AK8: variants seen among roughly 807,000 people sequenced by gnomAD.
AK8 encodes adenylate kinase 8.
In AK8, 44 loss-of-function variants were observed where a neutral mutation model predicts 54.6. That is an observed-to-expected ratio of 0.81 (90% CI 0.63 to 1.04). The LOEUF (loss-of-function observed/expected upper bound fraction) is 1.04, where lower values mean the gene tolerates loss of function less well. Among genes scored for constraint, AK8 ranks in the 50% least tolerant of loss-of-function variants. AK8 has a pLI of 0.00. For missense variants in AK8, 555 were observed against 613.6 expected (o/e 0.90, Z 1.01); for synonymous variants, 239 against 245.6 (o/e 0.97, Z 0.25).
intron 11 of AK8, among the ~76,000 whole-genome samples, chr9:132,730,852 C>A (rs759088536): frequency 6.6e-6 from 1 of 152,200 alleles, no homozygotes; most frequent in Non-Finnish European, 1.5e-5. Context: ...TGAGCCAAAA[C>A]CTCATGTTTT....
At chr9:132,810,872 G>GT (rs1012760548) in intron 10 of AK8, among the ~76,000 whole-genome samples, 13 of 151,918 alleles carry the variant, frequency 8.6e-5, no homozygotes, top group African/African-American at 3.1e-4. Flanking sequence ...AATATAGAAT[G>GT]TAAGTATAAA....
intron 5 of AK8, among the ~76,000 whole-genome samples, chr9:132,846,934 G>C (rs1170135131): frequency 6.6e-6 from 1 of 152,244 alleles, no homozygotes; most frequent in African/African-American, 2.4e-5. Flanking sequence ...GCTGGGCGTA[G>C]TGCCTGATGC....
intron 10 of AK8, among the ~76,000 whole-genome samples, chr9:132,811,414 T>C (rs1840997721): frequency 6.6e-6 from 1 of 152,218 alleles, no homozygotes; most frequent in South Asian, 2.1e-4. Flanking sequence ...TGGAAAATGC[T>C]ACTCTACTGG....
chr9:132,843,209 C>G (rs1013045550), intron 5 of AK8, among the ~76,000 whole-genome samples: 1 of 152,054 alleles, frequency 6.6e-6, no homozygotes, highest in Non-Finnish European at 1.5e-5. Flanking sequence ...ATCATGGGGG[C>G]GGGTCCCTCA....
intron 10 of AK8, among the ~76,000 whole-genome samples, chr9:132,793,290 C>A (rs1258150902): frequency 1.3e-5 from 2 of 152,160 alleles, no homozygotes; most frequent in South Asian, 4.1e-4. Context: ...GCCTTGTGAC[C>A]TCATCACCTC....
intron 9 of AK8, among the ~76,000 whole-genome samples, chr9:132,817,174 A>T (rs1841370180): frequency 6.6e-6 from 1 of 152,208 alleles, no homozygotes; most frequent in Admixed American, 6.5e-5. Context: ...GGGATACTCT[A>T]GCCCTAGAGT....
intron 11 of AK8, among the ~76,000 whole-genome samples, chr9:132,753,702 C>T (rs952115344): frequency 2.6e-5 from 4 of 152,188 alleles, no homozygotes; most frequent in African/African-American, 4.8e-5. Context: ...AGGGGATCCC[C>T]GCTGTGGAGA....
At chr9:132,733,183 T>C (rs1002358080) in intron 11 of AK8, among the ~76,000 whole-genome samples, 23 of 151,926 alleles carry the variant, frequency 1.5e-4, no homozygotes, top group African/African-American at 5.6e-4. Flanking sequence ...TGCTTGATAA[T>C]GACTTCCATT....
At chr9:132,876,212 G>C (rs955322429) in intron 1 of AK8, among the ~76,000 whole-genome samples, 1 of 152,194 alleles carries the variant, frequency 6.6e-6, no homozygotes, top group Non-Finnish European at 1.5e-5. Flanking sequence ...TTCTCTGCCT[G>C]TTCAGTAGCA....
At chr9:132,745,006 G>C (rs1051531168) in intron 11 of AK8, among the ~76,000 whole-genome samples, 8 of 152,164 alleles carry the variant, frequency 5.3e-5, no homozygotes. Flanking sequence ...CCGGGCTGCT[G>C]ACAGCTCACA....
At chr9:132,820,750 G>C (rs1841557674) in intron 9 of AK8, among the ~76,000 whole-genome samples, 1 of 152,152 alleles carries the variant, frequency 6.6e-6, no homozygotes, top group African/African-American at 2.4e-5. Flanking sequence ...TTGTTGGTTT[G>C]GAGATATTTT....
intron 5 of AK8, among the ~76,000 whole-genome samples, chr9:132,832,982 C>T (rs1031856866): frequency 6.6e-6 from 1 of 152,134 alleles, no homozygotes; most frequent in Non-Finnish European, 1.5e-5. Context: ...AAACAAGGTC[C>T]CCGAGGAAGC....
intron 11 of AK8, among the ~76,000 whole-genome samples, chr9:132,753,838 C>A (rs957461956): frequency 1.3e-5 from 2 of 152,218 alleles, no homozygotes; most frequent in South Asian, 4.1e-4. Context: ...AGGGAGCATG[C>A]ACGAAGGTCT....
chr9:132,818,471 A>G (rs1841431976), intron 9 of AK8, among the ~76,000 whole-genome samples: 1 of 152,218 alleles, frequency 6.6e-6, no homozygotes, highest in South Asian at 2.1e-4. Context: ...CGAGGCTCTG[A>G]TATCATACAT....
At chr9:132,816,893 A>C (rs1037242519) in intron 9 of AK8, among the ~76,000 whole-genome samples, 1 of 152,192 alleles carries the variant, frequency 6.6e-6, no homozygotes. Flanking sequence ...CAGAATTTGT[A>C]GAACAGGGTA....
chr9:132,798,441 G>A (rs1403235339), intron 10 of AK8, among the ~76,000 whole-genome samples: 1 of 152,162 alleles, frequency 6.6e-6, no homozygotes, highest in African/African-American at 2.4e-5. Flanking sequence ...GAGTCCTCTT[G>A]ATAATGCTGT....
chr9:132,789,597 C>CAAAAAAAA (rs578003731), intron 11 of AK8, among the ~76,000 whole-genome samples: 87 of 57,242 alleles, frequency 1.5e-3, no homozygotes, highest in African/African-American at 2.3e-3. Context: ...ACTCATCTCA[C>CAAAAAAAA]AAAAAAAAAA....
At chr9:132,780,194 G>C (rs991502237) in intron 11 of AK8, among the ~76,000 whole-genome samples, 1 of 152,158 alleles carries the variant, frequency 6.6e-6, no homozygotes, top group Non-Finnish European at 1.5e-5. Context: ...AGATGAAGAA[G>C]GAGAAAGAGA....
intron 3 of AK8, among the ~76,000 whole-genome samples, chr9:132,865,711 G>A (rs1372297964): frequency 6.6e-6 from 1 of 152,104 alleles, no homozygotes; most frequent in Admixed American, 6.5e-5. Context: ...TTCTCGGGAG[G>A]CTGAGGCAGA....
Sources: gnomAD v4.1 joint callset for allele counts (sites outside exome capture counted in the v4.1 genomes callset) on GRCh38, gnomAD v4.1.1 for gene constraint, MANE v1.5 for transcripts, NCBI Gene and HGNC (gene_info 2026-07-23, HGNC 2026-07-21) for gene names.